The following PRKCA variants were observed in gnomAD, a reference collection of about 807,000 sequenced individuals.
PRKCA encodes protein kinase C alpha.
Under a neutral mutation model 87.0 loss-of-function variants are expected in PRKCA, and 27 were observed. The observed-to-expected ratio is 0.31, with a 90% CI of 0.23 to 0.43. The LOEUF is 0.43. PRKCA is among the 20% of genes least tolerant of loss of function. The probability of loss-of-function intolerance (pLI) is 1.00; values close to 1 mark genes in which losing one functional copy is unlikely to be tolerated. For missense variants in PRKCA, 518 were observed against 852.3 expected (o/e 0.61, Z 4.88); for synonymous variants, 329 against 311.1 (o/e 1.06, Z -0.61).
At chr17:66,505,724 T>C (rs1248048387) in intron 3 of PRKCA, among the ~76,000 whole-genome samples, 2 of 152,160 alleles carry the variant, frequency 1.3e-5, no homozygotes, top group African/African-American at 4.8e-5. Context: ...ATTAGAGTGA[T>C]TTTGTTGTGA....
intron 2 of PRKCA, among the ~76,000 whole-genome samples, chr17:66,314,706 C>T (rs1768635015): frequency 6.6e-6 from 1 of 152,134 alleles, no homozygotes; most frequent in African/African-American, 2.4e-5. Flanking sequence ...GGACAAGCTT[C>T]CTCAAGTTTG....
At chr17:66,530,366 G>T (rs1370488179) in intron 3 of PRKCA, among the ~76,000 whole-genome samples, 1 of 152,166 alleles carries the variant, frequency 6.6e-6, no homozygotes, top group Non-Finnish European at 1.5e-5. Flanking sequence ...ACCTGTCAGT[G>T]TACTCTCAGT....
At chr17:66,468,318 G>T (rs1055585032) in intron 2 of PRKCA, among the ~76,000 whole-genome samples, 6 of 152,096 alleles carry the variant, frequency 3.9e-5, no homozygotes, top group Non-Finnish European at 7.4e-5. Context: ...AACATCACAG[G>T]GTGTCTCTGT....
At chr17:66,520,396 C>T (rs944078621) in intron 3 of PRKCA, among the ~76,000 whole-genome samples, 1 of 152,132 alleles carries the variant, frequency 6.6e-6, no homozygotes, top group Non-Finnish European at 1.5e-5. Flanking sequence ...GCTGTGATTA[C>T]AGGTGTGAGC....
chr17:66,757,416 G>A (rs555006812), intron 13 of PRKCA, among the ~76,000 whole-genome samples: 1 of 152,068 alleles, frequency 6.6e-6, no homozygotes, highest in Non-Finnish European at 1.5e-5. Flanking sequence ...ATGACACAAA[G>A]TAGGACAAAT....
At chr17:66,497,546 A>G (rs1264618690) in intron 3 of PRKCA, among the ~76,000 whole-genome samples, 2 of 152,112 alleles carry the variant, frequency 1.3e-5, no homozygotes, top group Non-Finnish European at 2.9e-5. Flanking sequence ...ACCAATGTCT[A>G]AAATATGTTG....
In PRKCA at chr17:66,810,249, A is replaced by G. The variant is rs1255252118; in HGVS notation, c.*6212A>G. 6.6e-6 allele frequency: 1 copy of G among 152,130 alleles called. No homozygotes were observed. Among genetic ancestry groups the G allele is most frequent in the Admixed American group, 6.5e-5 (1 of 15,278 alleles). The allele number at this position is 152,130 out of a possible 1,614,324, so 9.4% of individuals were successfully genotyped here. A position where few individuals can be genotyped will look rare whatever the true frequency, so the allele number is the denominator to read the frequency against. ...AGACTTTTGTTGATATTCTTCCTGG[A>G]AGAATATCATTCTTTTCTTGAAGGG... On this transcript the variant is annotated 3_prime_UTR_variant, in exon 17 of 17. Transcript: ENST00000413366.
intron 3 of PRKCA, among the ~76,000 whole-genome samples, chr17:66,612,748 A>C (rs954658752): frequency 6.1e-5 from 9 of 148,030 alleles, no homozygotes; most frequent in Admixed American, 3.3e-4. Flanking sequence ...TTTTGTCTTT[A>C]GCTAAGTTGT....
intron 14 of PRKCA, among the ~76,000 whole-genome samples, chr17:66,784,867 C>T (rs1226644570): frequency 6.6e-6 from 1 of 152,024 alleles, no homozygotes; most frequent in South Asian, 2.1e-4. Flanking sequence ...CTGGTGGGTG[C>T]CCCCCCAAGC....
intron 2 of PRKCA, among the ~76,000 whole-genome samples, chr17:66,376,469 A>G (rs1909421356): frequency 6.6e-6 from 1 of 152,118 alleles, no homozygotes; most frequent in African/African-American, 2.4e-5. Context: ...TTATCTGGGC[A>G]TGGTGGTGGG....
At chr17:66,732,979 A>G (rs1973940190) in intron 9 of PRKCA, among the ~76,000 whole-genome samples, 154 bp downstream of exon 9, 2 of 152,030 alleles carry the variant, frequency 1.3e-5, no homozygotes, top group South Asian at 4.2e-4. Context: ...GTGAAGCCCC[A>G]TCTCTACTAA....
At chr17:66,744,910 T>A (rs117285597) in intron 13 of PRKCA, among the ~76,000 whole-genome samples, 2 of 152,034 alleles carry the variant, frequency 1.3e-5, no homozygotes, top group Non-Finnish European at 2.9e-5. Context: ...TCTTCTTCCC[T>A]CCCCCATGCA....
intron 2 of PRKCA, among the ~76,000 whole-genome samples, chr17:66,486,190 T>C (rs1328994921): frequency 6.6e-6 from 1 of 152,152 alleles, no homozygotes; most frequent in Non-Finnish European, 1.5e-5. Flanking sequence ...ATACTTATCT[T>C]TAAGAGTTTT....
intron 3 of PRKCA, among the ~76,000 whole-genome samples, chr17:66,631,218 A>G (rs1385711201): frequency 6.6e-6 from 1 of 152,210 alleles, no homozygotes; most frequent in Non-Finnish European, 1.5e-5. Flanking sequence ...TCCAAGTTAG[A>G]TAGGACCTGA....
intron 3 of PRKCA, among the ~76,000 whole-genome samples, chr17:66,639,057 A>G (rs936278231): frequency 6.6e-6 from 1 of 152,204 alleles, no homozygotes; most frequent in Non-Finnish European, 1.5e-5. Flanking sequence ...GGTTAATTCA[A>G]GCTTATTATG....
chr17:66,399,580 T>G (rs1910898001), intron 2 of PRKCA, among the ~76,000 whole-genome samples: 1 of 152,206 alleles, frequency 6.6e-6, no homozygotes, highest in Non-Finnish European at 1.5e-5. Flanking sequence ...CTTGCAAAAC[T>G]GAAACTGTTT....
chr17:66,499,866 T>A lies in PRKCA; in HGVS notation c.288+3583T>A, dbSNP rs80306839. On this transcript the variant is annotated intron_variant, in intron 3 of 16. Transcript: ENST00000413366. ...AAAGATCATGCATTCACCCAAAAGA[T>A]CATGCATTCACACCTGCATCCATAC... Among the ~76,000 whole-genome samples the A allele has an allele frequency of 7.1e-3, 1,076 of 152,250 alleles. 29 individuals are homozygous for A. The East Asian group carries it at 0.09, about 13-fold the overall frequency.
At chr17:66,430,813 T>G (rs1913061455) in intron 2 of PRKCA, among the ~76,000 whole-genome samples, 2 of 152,168 alleles carry the variant, frequency 1.3e-5, no homozygotes, top group East Asian at 1.9e-4. Context: ...GGATGCAGAG[T>G]TGAAGACGGC....
chr17:66,319,913 T>C (rs1905550221), intron 2 of PRKCA, among the ~76,000 whole-genome samples: 1 of 152,096 alleles, frequency 6.6e-6, no homozygotes, highest in Admixed American at 6.6e-5. Context: ...GACTAATTTT[T>C]TTGTATTTTT....
Sources: gnomAD v4.1 joint callset for allele counts (sites outside exome capture counted in the v4.1 genomes callset) on GRCh38, gnomAD v4.1.1 for gene constraint, MANE v1.5 for transcripts, NCBI Gene and HGNC (gene_info 2026-07-23, HGNC 2026-07-21) for gene names.